The following SYTL5 variants were observed in gnomAD, a reference collection of about 807,000 sequenced individuals.
SYTL5 encodes synaptotagmin like 5, also known as synaptotagmin-like protein 5.
SYTL5 carries 34 observed loss-of-function variants against 55.9 expected under a neutral mutation model. That is an observed-to-expected ratio of 0.61 (90% CI 0.46 to 0.81). SYTL5 has a LOEUF of 0.81. SYTL5 is among the 30% of genes least tolerant of loss of function. SYTL5 has a pLI of 0.00. For synonymous variants in SYTL5, 221 were observed against 188.7 expected (o/e 1.17, Z -1.40); for missense variants, 637 against 546.7 (o/e 1.17, Z -1.65).
chrX:38,054,965 C>T (rs767582392), intron 3 of SYTL5, among the ~76,000 whole-genome samples: 1 of 111,275 alleles, frequency 9.0e-6, no homozygotes, highest in Admixed American at 9.5e-5. Context: ...GATCCTCCAG[C>T]CTTGGCCTCC....
chrX:38,079,055 A>C (rs995316045), intron 6 of SYTL5, among the ~76,000 whole-genome samples: 17 of 111,959 alleles, frequency 1.5e-4, no homozygotes, highest in Non-Finnish European at 2.1e-4. Context: ...GGACTGCCAC[A>C]GTGAGATGAG....
At chrX:38,110,650 G>A (rs139221133) in intron 13 of SYTL5, among the ~76,000 whole-genome samples, 168 bp downstream of exon 13, 1,439 of 111,890 alleles carry the variant, frequency 0.013, 20 homozygotes, top group African/African-American at 0.044. Context: ...TAAATCCACC[G>A]TTTTGGAAAT....
At chrX:38,115,483 CA>C (rs772227891) in intron 13 of SYTL5, among the ~76,000 whole-genome samples, 1,023 of 17,360 alleles carry the variant, frequency 0.059, 3 homozygotes, top group African/African-American at 0.16. Flanking sequence ...GACTCCGTCT[CA>C]AAAAAAAAAA....
intron 14 of SYTL5, among the ~76,000 whole-genome samples, chrX:38,121,037 G>A (rs923317319): frequency 5.4e-5 from 6 of 111,627 alleles, no homozygotes; most frequent in Admixed American, 1.9e-4. Flanking sequence ...GTCTGAGGAG[G>A]CCTCAGGAAG....
At chrX:38,119,491 C>G (rs1220546563) in intron 13 of SYTL5, among the ~76,000 whole-genome samples, 1 of 112,468 alleles carries the variant, frequency 8.9e-6, no homozygotes, top group Non-Finnish European at 1.9e-5. Flanking sequence ...AGAGATTCAA[C>G]TTGTTGCATT....
intron 13 of SYTL5, among the ~76,000 whole-genome samples, chrX:38,118,003 G>A (rs1937519512): frequency 9.0e-6 from 1 of 111,278 alleles, no homozygotes; most frequent in Non-Finnish European, 1.9e-5. Flanking sequence ...TCTCATTGAT[G>A]ACGGTACCAA....
the SYTL5 span, among the ~76,000 whole-genome samples, chrX:37,999,643 A>G: frequency 1.8e-5 from 2 of 112,238 alleles, no homozygotes; most frequent in African/African-American, 3.2e-5. Flanking sequence ...AGTAGAATTT[A>G]CTTGGGGGAC....
the SYTL5 span, among the ~76,000 whole-genome samples, chrX:37,966,495 T>C: frequency 1.0e-5 from 1 of 99,383 alleles, no homozygotes; most frequent in Non-Finnish European, 2.0e-5. Flanking sequence ...TGGAGTGCAG[T>C]GGCACGATCT....
At chrX:37,919,251 ACTCCTTGT>A in the SYTL5 span, among the ~76,000 whole-genome samples, 1 of 110,729 alleles carries the variant, frequency 9.0e-6, no homozygotes, top group Non-Finnish European at 1.9e-5. Context: ...GACTAGGGGT[ACTCCTTGT>A]TTTTCCTCCC....
chrX:38,108,768 A>G, intron 12 of SYTL5, 69 bp downstream of exon 12: 1 of 658,625 alleles, frequency 1.5e-6, no homozygotes, highest in Non-Finnish European at 2.3e-6. Flanking sequence ...AGAAGTAACT[A>G]CAGAGAATAT....
the SYTL5 span, among the ~76,000 whole-genome samples, chrX:37,976,568 C>T: frequency 8.9e-6 from 1 of 111,844 alleles, no homozygotes; most frequent in Non-Finnish European, 1.9e-5. Context: ...CCTTGACACT[C>T]ATAAAAGTGA....
intron 2 of SYTL5, among the ~76,000 whole-genome samples, chrX:38,051,410 A>G (rs190603930): frequency 9.2e-4 from 103 of 111,989 alleles, no homozygotes; most frequent in Middle Eastern, 4.7e-3. Flanking sequence ...GGGACACCTA[A>G]TAGGCACCTT....
the SYTL5 span, among the ~76,000 whole-genome samples, chrX:37,919,270 T>C: frequency 3.6e-5 from 4 of 111,484 alleles, no homozygotes; most frequent in East Asian, 8.5e-4. Flanking sequence ...TTTTCCTCCC[T>C]TGGCATTTGG....
intron 1 of SYTL5, among the ~76,000 whole-genome samples, chrX:38,009,558 T>C (rs1311382930): frequency 8.9e-6 from 1 of 112,078 alleles, no homozygotes; most frequent in Non-Finnish European, 1.9e-5. Context: ...TCTTTAATTA[T>C]AATGTATCTA....
chrX:38,119,391 T>C (rs762880332), intron 13 of SYTL5, among the ~76,000 whole-genome samples: 4 of 112,234 alleles, frequency 3.6e-5, no homozygotes, highest in African/African-American at 9.7e-5. Context: ...TCCATCTCTA[T>C]AATTTTGTCA....
chrX:37,953,480 GT>G, the SYTL5 span, among the ~76,000 whole-genome samples: 2 of 111,502 alleles, frequency 1.8e-5, no homozygotes, highest in Non-Finnish European at 3.8e-5. Context: ...TATGACTAAA[GT>G]TAGAAATTTT....
the SYTL5 span, among the ~76,000 whole-genome samples, chrX:37,921,982 C>T: frequency 1.1e-4 from 12 of 111,874 alleles, no homozygotes; most frequent in Non-Finnish European, 2.3e-4. Flanking sequence ...TATTTTATGA[C>T]CGTTGCTTGT....
the SYTL5 span, among the ~76,000 whole-genome samples, chrX:37,890,638 A>T: frequency 8.9e-6 from 1 of 112,092 alleles, no homozygotes; most frequent in Admixed American, 9.5e-5. Flanking sequence ...CTGTGAAGGA[A>T]AATTAAATGG....
rs748087044 is a variant in SYTL5, at chrX:38,115,285, C to T, written c.1596+4803C>T. ...GGATCACGAGGTCAGGAGATCGAGA[C>T]CATCCTGGGTAACACAGTGAAACCC... On this transcript the variant is annotated intron_variant, in intron 13 of 16. Coordinates refer to ENST00000297875, the MANE Select transcript of SYTL5 (RefSeq NM_138780.3). Among the ~76,000 whole-genome samples, 5 of 101,794 alleles carry T rather than the reference C, an allele frequency of 4.9e-5. No homozygotes were observed. In the East Asian group the frequency reaches 1.5e-3, roughly 30 times the overall value. 88.4% of individuals were successfully genotyped at this position (101,794 alleles called of 115,157 possible). A position where few individuals can be genotyped will look rare whatever the true frequency, so the allele number is the denominator to read the frequency against.
Sources: gnomAD v4.1 joint callset for allele counts (sites outside exome capture counted in the v4.1 genomes callset) on GRCh38, gnomAD v4.1.1 for gene constraint, MANE v1.5 for transcripts, NCBI Gene and HGNC (gene_info 2026-07-23, HGNC 2026-07-21) for gene names.